SLC17A1: variants seen among roughly 807,000 people sequenced by gnomAD.
SLC17A1 encodes the protein sodium-dependent phosphate transport protein 1.
A neutral mutation model predicts 53.5 loss-of-function variants in SLC17A1; 51 were observed. The ratio of observed to expected loss-of-function variants is 0.95; its 90% CI spans 0.76 to 1.20. The LOEUF (loss-of-function observed/expected upper bound fraction) is 1.20, where lower values mean the gene tolerates loss of function less well. Ranked by LOEUF, SLC17A1 falls within the 50% of genes most tolerant of loss-of-function variation. The pLI is 0.00. For synonymous variants in SLC17A1, 179 were observed against 198.8 expected, an observed-to-expected ratio of 0.90 and a Z score of 0.84; for missense variants, 538 against 568.2, an observed-to-expected ratio of 0.95 and a Z score of 0.54.
chr6:25,754,266 CA>C, the SLC17A1 span, among the ~76,000 whole-genome samples: 6 of 152,080 alleles, frequency 3.9e-5, no homozygotes, highest in African/African-American at 1.2e-4. Context: ...ATGGAAAACT[CA>C]ATGGCCTTTG....
chr6:25,813,260 G>A (rs1337325243), intron 6 of SLC17A1, 47 bp from the exon 7 acceptor site: 1 of 1,450,262 alleles, frequency 6.9e-7, no homozygotes, highest in African/African-American at 1.4e-5. Flanking sequence ...GTTTGTAGTG[G>A]ATCTCTTTCC....
chr6:25,732,889 C>CAA, the SLC17A1 span: 2 of 235,152 alleles, frequency 8.5e-6, no homozygotes, highest in African/African-American at 4.6e-5. Context: ...GAAACAAAAA[C>CAA]AAAAACAAAA....
the SLC17A1 span, among the ~76,000 whole-genome samples, chr6:25,745,860 T>C: frequency 6.6e-6 from 1 of 152,208 alleles, no homozygotes; most frequent in Non-Finnish European, 1.5e-5. Context: ...TTAGAGCTTC[T>C]CCCTTATATG....
chr6:25,726,830 T>C, the SLC17A1 span: 12 of 1,497,908 alleles, frequency 8.0e-6, no homozygotes, highest in Non-Finnish European at 1.1e-5. Context: ...TGTTTAATAC[T>C]GAAGAGCTGT....
intron 10 of SLC17A1, among the ~76,000 whole-genome samples, chr6:25,802,773 G>A (rs1159844889): frequency 6.6e-6 from 1 of 151,110 alleles, no homozygotes; most frequent in Non-Finnish European, 1.5e-5. Flanking sequence ...TTTTCTAGGT[G>A]GCTGTTTTAA....
chr6:25,726,195 G>A, the SLC17A1 span: 16 of 1,601,878 alleles, frequency 1.0e-5, no homozygotes, highest in South Asian at 1.1e-5. Context: ...CTGCCTGAAT[G>A]TTAGGCAGGA....
the SLC17A1 span, among the ~76,000 whole-genome samples, chr6:25,729,799 T>A: frequency 6.6e-6 from 1 of 151,844 alleles, no homozygotes; most frequent in Non-Finnish European, 1.5e-5. Context: ...TATTGGTTTC[T>A]TGATAGATTT....
the SLC17A1 span, chr6:25,770,332 T>A: frequency 6.2e-7 from 1 of 1,613,320 alleles, no homozygotes; most frequent in Non-Finnish European, 8.5e-7. Flanking sequence ...ATAAGTGGAA[T>A]ATAGGTTCCA....
Position 25,824,906 on chromosome 6 carries a change from T to C in SLC17A1, c.207+1555A>G, listed in dbSNP as rs187882430. 5.9e-5 allele frequency among the ~76,000 whole-genome samples: 9 copies of C among 152,054 alleles called. No homozygotes were observed. In the East Asian group the frequency reaches 1.7e-3, roughly 29 times the overall value. On this transcript the variant is annotated intron_variant, in intron 3 of 12. Coordinates refer to ENST00000244527, the MANE Select transcript of SLC17A1 (RefSeq NM_005074.5). ...GCTGCTCTGTTGTTAGGGATACACA[T>C]GTTTAGAATCATTTGTTTTTGGATA...
chr6:25,753,505 G>A, the SLC17A1 span, among the ~76,000 whole-genome samples: 335 of 152,108 alleles, frequency 2.2e-3, 1 homozygote, highest in Non-Finnish European at 3.5e-3. Context: ...AGTGGGGCCC[G>A]GTAAATAATC....
the SLC17A1 span, among the ~76,000 whole-genome samples, chr6:25,728,140 T>A: frequency 6.6e-6 from 1 of 152,230 alleles, no homozygotes; most frequent in South Asian, 2.1e-4. Context: ...TGCATTATGA[T>A]CCCAAATTTT....
chr6:25,726,279 G>T, the SLC17A1 span: 1 of 1,613,990 alleles, frequency 6.2e-7, no homozygotes, highest in Non-Finnish European at 8.5e-7. Context: ...CTAGCTGCAG[G>T]TGGCGGGGAA....
At chr6:25,727,591 C>T in the SLC17A1 span, among the ~76,000 whole-genome samples, 2 of 151,682 alleles carry the variant, frequency 1.3e-5, no homozygotes, top group South Asian at 2.1e-4. Context: ...GGGGTTTCAC[C>T]ATGTTGGCCA....
At chr6:25,759,521 T>C in the SLC17A1 span, among the ~76,000 whole-genome samples, 8 of 152,220 alleles carry the variant, frequency 5.3e-5, no homozygotes, top group African/African-American at 1.9e-4. Context: ...GATATTTTCC[T>C]GTAGTCCTTT....
chr6:25,741,579 G>A, the SLC17A1 span, among the ~76,000 whole-genome samples: 2 of 152,112 alleles, frequency 1.3e-5, no homozygotes, highest in Admixed American at 6.5e-5. Flanking sequence ...GCTGGGCGTG[G>A]TCATGGGCCG....
the SLC17A1 span, among the ~76,000 whole-genome samples, chr6:25,724,127 A>G: frequency 6.6e-6 from 1 of 152,254 alleles, no homozygotes; most frequent in African/African-American, 2.4e-5. Context: ...TGAAAGTTCT[A>G]TAAGAAGAAA....
Position 25,810,764 on chromosome 6 carries a change from G to A in SLC17A1, c.1178+634C>T, listed in dbSNP as rs74934687. The stretch of plus-strand genomic sequence containing the variant: ...TTCCACTCCTGGGTGTCTATCCAAA[G>A]GAAATGAAGTGAGAATGTCAAAAGA... On this transcript the variant is annotated intron_variant, in intron 10 of 12. Transcript: ENST00000244527. Among the ~76,000 whole-genome samples the A allele has an allele frequency of 9.0e-3, 1,368 of 152,222 alleles. 19 individuals carry two copies. The highest frequency in any genetic ancestry group is 0.028 in the African/African-American group (1,175 of 41,546).
intron 3 of SLC17A1, among the ~76,000 whole-genome samples, chr6:25,824,848 T>C (rs141281999): frequency 6.6e-6 from 1 of 152,008 alleles, no homozygotes; most frequent in Non-Finnish European, 1.5e-5. Context: ...TATTCTTCCT[T>C]TCAGTTCTCA....
chr6:25,728,548 G>T, the SLC17A1 span, among the ~76,000 whole-genome samples: 3 of 152,294 alleles, frequency 2.0e-5, no homozygotes, highest in East Asian at 5.8e-4. Flanking sequence ...CGGCGCGGTG[G>T]CTCACGCATG....
Sources: gnomAD v4.1 joint callset for allele counts (sites outside exome capture counted in the v4.1 genomes callset) on GRCh38, gnomAD v4.1.1 for gene constraint, MANE v1.5 for transcripts, NCBI Gene and HGNC (gene_info 2026-07-23, HGNC 2026-07-21) for gene names.